PPP1R13B: variants seen among roughly 807,000 people sequenced by gnomAD.
The protein encoded by PPP1R13B is apoptosis-stimulating of p53 protein 1.
Under a neutral mutation model 119.8 loss-of-function variants are expected in PPP1R13B, and 44 were observed. The ratio of observed to expected loss-of-function variants is 0.37; its 90% confidence interval spans 0.29 to 0.47. The LOEUF is 0.47. Among genes scored for constraint, PPP1R13B ranks in the 20% least tolerant of loss-of-function variants. The pLI, the probability that PPP1R13B is intolerant of heterozygous loss-of-function variation, is 0.99. For missense variants in PPP1R13B, 1,227 were observed against 1,413.5 expected (o/e 0.87, Z 2.12); for synonymous variants, 542 against 561.5 (o/e 0.97, Z 0.49).
chr14:103,804,008 T>C (rs2085961892), intron 1 of PPP1R13B: 1 of 963,348 alleles, frequency 1.0e-6, no homozygotes, highest in Non-Finnish European at 1.2e-6. Context: ...AATAGTTTTC[T>C]TGACTACATC....
chr14:103,844,882 G>C (rs909353263), intron 1 of PPP1R13B, among the ~76,000 whole-genome samples: 4 of 152,186 alleles, frequency 2.6e-5, no homozygotes, highest in African/African-American at 9.7e-5. Flanking sequence ...CTGAGCTGAG[G>C]TGTGTGCTGT....
At chr14:103,819,988 G>A (rs1285345150) in intron 1 of PPP1R13B, among the ~76,000 whole-genome samples, 1 of 152,200 alleles carries the variant, frequency 6.6e-6, no homozygotes, top group Non-Finnish European at 1.5e-5. Context: ...CAGTCTGACT[G>A]GCTCCTAAGC....
intron 1 of PPP1R13B, among the ~76,000 whole-genome samples, chr14:103,820,504 T>A (rs75168293): frequency 2.0e-5 from 3 of 151,672 alleles, no homozygotes; most frequent in African/African-American, 4.8e-5. Context: ...TTTTTTTTTT[T>A]AATAGACAGG....
chr14:103,818,613 C>T, intron 1 of PPP1R13B: 2 of 473,036 alleles, frequency 4.2e-6, no homozygotes, highest in Non-Finnish European at 5.5e-6. Context: ...ATTCTTTCTC[C>T]TCTTCTCTGG....
chr14:103,756,905 C>T (rs1469107633), intron 5 of PPP1R13B, among the ~76,000 whole-genome samples: 1 of 147,432 alleles, frequency 6.8e-6, no homozygotes, highest in Non-Finnish European at 1.5e-5. Context: ...ACTACAGGCG[C>T]CCGCCACCAA....
chr14:103,790,424 G>A (rs2085588392), intron 2 of PPP1R13B, among the ~76,000 whole-genome samples: 1 of 152,062 alleles, frequency 6.6e-6, no homozygotes, highest in Non-Finnish European at 1.5e-5. Flanking sequence ...TAGGAGGTGG[G>A]GTCTTTGAGA....
chr14:103,750,165 G>A (rs2084503772), intron 7 of PPP1R13B, among the ~76,000 whole-genome samples: 1 of 150,648 alleles, frequency 6.6e-6, no homozygotes. Flanking sequence ...CAAAGCACAC[G>A]AAATGACTAG....
At chr14:103,847,104 C>G (rs940057214) in intron 1 of PPP1R13B, 195 bp downstream of exon 1, 93 of 986,082 alleles carry the variant, frequency 9.4e-5, no homozygotes, top group Non-Finnish European at 1.0e-4. Flanking sequence ...GCCCCGGCCC[C>G]GCGCTGACAG....
chr14:103,766,654 C>CTAGA (rs1326206514), intron 4 of PPP1R13B, among the ~76,000 whole-genome samples: 1 of 152,214 alleles, frequency 6.6e-6, no homozygotes, highest in African/African-American at 2.4e-5. Flanking sequence ...CTGTCACCAG[C>CTAGA]TAGAGTGCAG....
intron 2 of PPP1R13B, among the ~76,000 whole-genome samples, chr14:103,792,169 C>CGTGTGTGTGTGT (rs58782839): frequency 0.03 from 4,130 of 137,134 alleles, 66 homozygotes; most frequent in Middle Eastern, 0.055. Flanking sequence ...CTCTATTCAT[C>CGTGTGTGTGTGT]GTGTGTGTGT....
intron 4 of PPP1R13B, chr14:103,762,942 G>GT: frequency 3.0e-6 from 3 of 995,808 alleles, no homozygotes; most frequent in Non-Finnish European, 4.7e-6. Context: ...CCCGTCTACA[G>GT]TATCTGCTAA....
chr14:103,807,551 G>A (rs1207822422), intron 1 of PPP1R13B, among the ~76,000 whole-genome samples: 1 of 152,160 alleles, frequency 6.6e-6, no homozygotes, highest in African/African-American at 2.4e-5. Context: ...CTGGACTGCA[G>A]TGGCGCGATC....
chr14:103,737,748 C>G lies in PPP1R13B; in HGVS notation c.2977G>C (p.Asp993His). 2 of 1,614,254 alleles carry G rather than the reference C, an allele frequency of 1.2e-6. No homozygotes were observed. Among genetic ancestry groups the G allele is most frequent in the South Asian group, 2.2e-5 (2 of 91,090 alleles). The change falls in exon 15 of 17, where the codon GAC becomes CAC. Residue 993 changes from aspartate (D) to histidine (H), a missense_variant. Transcript: ENST00000202556. ...CCTTCCTCCATCTCCTCACACTTGT[C>G]TGCAGCAGTTTCAATGTCGCTTATG... ...STISDIETAA[D>H]KCEEMEEGYI... is the part of the protein sequence containing the mutation.
intron 1 of PPP1R13B, among the ~76,000 whole-genome samples, chr14:103,818,039 A>T (rs2086320161): frequency 6.6e-6 from 1 of 152,226 alleles, no homozygotes; most frequent in Non-Finnish European, 1.5e-5. Flanking sequence ...CTCACTTCAT[A>T]CATGTAATAT....
chr14:103,819,767 A>ATC (rs10634480), intron 1 of PPP1R13B, among the ~76,000 whole-genome samples: 61,700 of 151,678 alleles, frequency 0.41, 12,681 homozygotes, highest in African/African-American at 0.44. Context: ...CCATCTGAAG[A>ATC]TCTGGTTGTT....
chr14:103,829,273 TC>T (rs2086616954), intron 1 of PPP1R13B, among the ~76,000 whole-genome samples: 1 of 152,204 alleles, frequency 6.6e-6, no homozygotes, highest in African/African-American at 2.4e-5. Context: ...CCTAAAGACA[TC>T]AATTAGAAAG....
intron 1 of PPP1R13B, among the ~76,000 whole-genome samples, chr14:103,806,002 T>C (rs1383538790): frequency 6.6e-6 from 1 of 152,222 alleles, no homozygotes. Context: ...TCACTTAAAA[T>C]AGGTAAACTT....
At chr14:103,751,595 C>A (rs1203993741) in intron 7 of PPP1R13B, among the ~76,000 whole-genome samples, 1 of 152,080 alleles carries the variant, frequency 6.6e-6, no homozygotes, top group Non-Finnish European at 1.5e-5. Context: ...TGTCTGGAGG[C>A]AGGGTCTTTA....
At chr14:103,762,010 T>G (rs1194313815) in intron 4 of PPP1R13B, among the ~76,000 whole-genome samples, 1 of 152,216 alleles carries the variant, frequency 6.6e-6, no homozygotes, top group Non-Finnish European at 1.5e-5. Context: ...CTTCGACGCC[T>G]GTTTTGTTGT....
Sources: gnomAD v4.1 joint callset for allele counts (sites outside exome capture counted in the v4.1 genomes callset) on GRCh38, gnomAD v4.1.1 for gene constraint, MANE v1.5 for transcripts, NCBI Gene and HGNC (gene_info 2026-07-23, HGNC 2026-07-21) for gene names.